LRP1B: variants seen among roughly 807,000 people sequenced by gnomAD.
LRP1B encodes the protein low-density lipoprotein receptor-related protein 1B.
Under a neutral mutation model 556.6 loss-of-function variants are expected in LRP1B, and 217 were observed. The observed-to-expected ratio is 0.39, with a 90% confidence interval of 0.35 to 0.44. The LOEUF (loss-of-function observed/expected upper bound fraction) is 0.44. LRP1B is among the 20% of genes least tolerant of loss of function. The probability of loss-of-function intolerance (pLI) is 1.00; values close to 1 mark genes in which losing one functional copy is unlikely to be tolerated. For missense variants in LRP1B, 5,053 were observed against 5,620.8 expected (o/e 0.90, Z 3.23); for synonymous variants, 2,047 against 1,865.8 (o/e 1.10, Z -2.50).
At chr2:142,130,077 G>T (rs1298379637) in intron 1 of LRP1B, among the ~76,000 whole-genome samples, 2 of 152,074 alleles carry the variant, frequency 1.3e-5, no homozygotes, top group Non-Finnish European at 2.9e-5. Flanking sequence ...AGGTGCGTGC[G>T]CCCGGAATCG....
At chr2:141,031,807 T>A (rs1242222317) in intron 11 of LRP1B, among the ~76,000 whole-genome samples, 1 of 151,612 alleles carries the variant, frequency 6.6e-6, no homozygotes, top group East Asian at 1.9e-4. Flanking sequence ...CAAACTAAAA[T>A]AAAACAACAC....
At chr2:140,278,151 G>A (rs1385369513) in intron 84 of LRP1B, among the ~76,000 whole-genome samples, 1 of 151,678 alleles carries the variant, frequency 6.6e-6, no homozygotes, top group African/African-American at 2.4e-5. Flanking sequence ...ATTTATATAA[G>A]GTTCAAAAGT....
intron 23 of LRP1B, among the ~76,000 whole-genome samples, chr2:140,886,658 T>G (rs1693645299): frequency 6.6e-6 from 1 of 151,940 alleles, no homozygotes; most frequent in Admixed American, 6.6e-5. Flanking sequence ...GACAACTTAA[T>G]GCTCAGAAAA....
chr2:141,241,663 GC>G (rs1683882264), intron 5 of LRP1B, among the ~76,000 whole-genome samples: 2 of 152,012 alleles, frequency 1.3e-5, no homozygotes, highest in Admixed American at 1.3e-4. Context: ...AATTGCTAAA[GC>G]ATCCGGCAAA....
In LRP1B at chr2:141,009,809, T is replaced by C. The variant is rs534284708; in HGVS notation, c.2380+3747A>G. Among the ~76,000 whole-genome samples, 115 of 152,122 alleles carry C rather than the reference T, an allele frequency of 7.6e-4. 1 individual carries two copies. The highest frequency in any genetic ancestry group is 3.4e-3 in the Middle Eastern group (1 of 294). ...TTACAATGACCAAAAAAGATTCACA[T>C]TCTTTTTCTTCTATCTAAAAGTATA... On this transcript the variant is annotated intron_variant, in intron 14 of 90. Transcript: ENST00000389484.
intron 66 of LRP1B, among the ~76,000 whole-genome samples, chr2:140,402,666 C>T (rs879325744): frequency 1.3e-5 from 2 of 152,122 alleles, no homozygotes; most frequent in African/African-American, 4.8e-5. Context: ...TGGTCCCCAC[C>T]CTTCCACCTG....
At chr2:140,362,598 C>A (rs899351026) in intron 72 of LRP1B, among the ~76,000 whole-genome samples, 2 of 151,598 alleles carry the variant, frequency 1.3e-5, no homozygotes, top group East Asian at 3.9e-4. Flanking sequence ...CCTTCAGTTC[C>A]TTGAGTAAGC....
At position 140,676,828 on chromosome 2, in the gene LRP1B, A is replaced by G. The variant is rs560247608; in HGVS notation, c.6799+23422T>C. On this transcript the variant is annotated intron_variant, in intron 41 of 90. Transcript: ENST00000389484. ...AGATGTGAAAGTTCACAGGAAAAAAATAAATCAAATTATGTACAAATATTT... is the reference window on the plus strand; with the variant it reads ...AGATGTGAAAGTTCACAGGAAAAAAGTAAATCAAATTATGTACAAATATTT... Among the ~76,000 whole-genome samples the G allele has an allele frequency of 8.5e-5, 13 of 152,352 alleles. No individual in the cohort carries two copies. The South Asian group carries it at 1.4e-3, about 17-fold the overall frequency.
chr2:140,877,748 T>A (rs1267208396), intron 25 of LRP1B, among the ~76,000 whole-genome samples: 2 of 152,182 alleles, frequency 1.3e-5, no homozygotes, highest in East Asian at 3.9e-4. Flanking sequence ...TGCTTCGAGT[T>A]GTCCCACCAA....
chr2:140,430,352 C>T (rs181103481), intron 66 of LRP1B, among the ~76,000 whole-genome samples: 15 of 152,266 alleles, frequency 9.9e-5, no homozygotes, highest in East Asian at 1.9e-4. Flanking sequence ...CTGTTATATG[C>T]GCTGAAAGAG....
At chr2:140,576,423 A>T (rs1681528448) in intron 43 of LRP1B, among the ~76,000 whole-genome samples, 1 of 152,230 alleles carries the variant, frequency 6.6e-6, no homozygotes, top group Admixed American at 6.5e-5. Flanking sequence ...AAATGTTATC[A>T]GAAAAAGGAA....
At chr2:141,102,984 A>G (rs1363716660) in intron 7 of LRP1B, among the ~76,000 whole-genome samples, 1 of 152,116 alleles carries the variant, frequency 6.6e-6, no homozygotes, top group African/African-American at 2.4e-5. Flanking sequence ...TTTCATCCTT[A>G]TCCTATAATA....
chr2:142,129,108 C>A (rs1707758997), intron 1 of LRP1B, among the ~76,000 whole-genome samples: 1 of 152,204 alleles, frequency 6.6e-6, no homozygotes, highest in Admixed American at 6.5e-5. Flanking sequence ...CCATTCTGTT[C>A]ATCTGCTCTG....
At chr2:141,975,865 G>T (rs1701872285) in intron 1 of LRP1B, among the ~76,000 whole-genome samples, 1 of 152,020 alleles carries the variant, frequency 6.6e-6, no homozygotes, top group Non-Finnish European at 1.5e-5. Flanking sequence ...GTTTTTGAAG[G>T]ATTTTTATTC....
chr2:141,882,936 G>A (rs1463460996), intron 1 of LRP1B, among the ~76,000 whole-genome samples: 2 of 152,136 alleles, frequency 1.3e-5, no homozygotes, highest in Non-Finnish European at 2.9e-5. Flanking sequence ...TGACAAAGGT[G>A]GCAAACGTAT....
intron 1 of LRP1B, among the ~76,000 whole-genome samples, chr2:141,947,824 AAAC>A (rs1553489523): frequency 1.3e-5 from 2 of 149,106 alleles, no homozygotes; most frequent in African/African-American, 4.9e-5. Flanking sequence ...CAGAAAAAAA[AAAC>A]AACAATACTG....
At position 140,818,032 on chromosome 2, in the gene LRP1B, T is replaced by C. The variant is rs78984424; in HGVS notation, c.5210-4226A>G. ...AATATCTCTGCAGGTAATTTTGTGATATACAATTTAAAAAAAATTGTGTTA... is the reference window on the plus strand; with the variant it reads ...AATATCTCTGCAGGTAATTTTGTGACATACAATTTAAAAAAAATTGTGTTA... On this transcript the variant is annotated intron_variant, in intron 31 of 90. Coordinates refer to ENST00000389484, the MANE Select transcript of LRP1B (RefSeq NM_018557.3). Among the ~76,000 whole-genome samples, 297 of 152,308 alleles carry C rather than the reference T, an allele frequency of 1.9e-3. 1 individual carries two copies. In the East Asian group the frequency reaches 0.03, roughly 15 times the overall value.
chr2:141,198,044 A>G (rs1681828065), intron 6 of LRP1B, among the ~76,000 whole-genome samples: 1 of 152,112 alleles, frequency 6.6e-6, no homozygotes, highest in Non-Finnish European at 1.5e-5. Flanking sequence ...AACCTATTCC[A>G]TTTTCCTCGA....
At chr2:141,058,283 G>C (rs961739568) in intron 9 of LRP1B, among the ~76,000 whole-genome samples, 12 of 151,768 alleles carry the variant, frequency 7.9e-5, no homozygotes, top group Non-Finnish European at 1.5e-4. Flanking sequence ...TGAAATACAA[G>C]TATAAAATAC....
Sources: allele counts gnomAD v4.1 joint callset (sites outside exome capture counted in the v4.1 genomes callset), GRCh38; gene constraint gnomAD v4.1.1; transcripts MANE v1.5; gene names NCBI Gene and HGNC (gene_info 2026-07-23, HGNC 2026-07-21).